The following ARHGAP15 variants were observed in gnomAD, a reference collection of about 807,000 sequenced individuals.
ARHGAP15 encodes Rho GTPase activating protein 15, also known as rho GTPase-activating protein 15.
A neutral mutation model predicts 63.7 loss-of-function variants in ARHGAP15; 51 were observed. The ratio of observed to expected loss-of-function variants is 0.80; its 90% CI spans 0.64 to 1.01. ARHGAP15 has a LOEUF of 1.01. ARHGAP15 is among the 50% of genes least tolerant of loss of function. The probability of loss-of-function intolerance (pLI) is 0.00; values close to 1 mark genes in which losing one functional copy is unlikely to be tolerated. For missense variants in ARHGAP15, 560 were observed against 564.6 expected (o/e 0.99, Z 0.08); for synonymous variants, 191 against 193.8 (o/e 0.99, Z 0.12).
At chr2:143,155,764 G>A (rs1027624511) in intron 2 of ARHGAP15, 109 bp downstream of exon 2, 7 of 1,166,690 alleles carry the variant, frequency 6.0e-6, no homozygotes, top group Non-Finnish European at 8.3e-6. Context: ...ATGTGCATGA[G>A]AAAACTGTTT....
intron 6 of ARHGAP15, among the ~76,000 whole-genome samples, chr2:143,413,316 G>A (rs1216057217): frequency 1.3e-5 from 2 of 152,082 alleles, no homozygotes; most frequent in Non-Finnish European, 2.9e-5. Flanking sequence ...GTGAGGGATG[G>A]TATATTTCTG....
chr2:143,384,433 T>C (rs982936478), intron 6 of ARHGAP15, among the ~76,000 whole-genome samples: 1 of 152,132 alleles, frequency 6.6e-6, no homozygotes, highest in African/African-American at 2.4e-5. Flanking sequence ...TTATATTCTA[T>C]GATACCACAC....
chr2:143,158,497 A>G (rs905630340), intron 2 of ARHGAP15, among the ~76,000 whole-genome samples: 6 of 151,984 alleles, frequency 3.9e-5, no homozygotes, highest in African/African-American at 1.4e-4. Flanking sequence ...GGTGATGTGC[A>G]TCGTTTTCTT....
intron 6 of ARHGAP15, among the ~76,000 whole-genome samples, chr2:143,323,915 A>G (rs868492947): frequency 6.7e-6 from 1 of 149,696 alleles, no homozygotes; most frequent in Non-Finnish European, 1.5e-5. Context: ...AAAAAAAAAA[A>G]AAAAAAAACA....
intron 11 of ARHGAP15, among the ~76,000 whole-genome samples, chr2:143,581,515 T>C (rs1696903865): frequency 6.6e-6 from 1 of 152,166 alleles, no homozygotes; most frequent in South Asian, 2.1e-4. Flanking sequence ...TTCTCTCCTC[T>C]GGTTTTCCTT....
intron 11 of ARHGAP15, among the ~76,000 whole-genome samples, chr2:143,558,433 C>T (rs1176856177): frequency 3.9e-5 from 6 of 152,102 alleles, no homozygotes; most frequent in Non-Finnish European, 8.8e-5. Context: ...TACAGTAGTA[C>T]ATTCACATCT....
intron 8 of ARHGAP15, among the ~76,000 whole-genome samples, chr2:143,445,851 A>G (rs1690112004): frequency 6.6e-6 from 1 of 152,302 alleles, no homozygotes; most frequent in Non-Finnish European, 1.5e-5. Context: ...GCAATAAAAG[A>G]AAAAGAAACT....
chr2:143,337,938 C>T (rs1311043107), intron 6 of ARHGAP15, among the ~76,000 whole-genome samples: 1 of 152,144 alleles, frequency 6.6e-6, no homozygotes, highest in South Asian at 2.1e-4. Flanking sequence ...TACTGTTAGA[C>T]ATCTTAAAAT....
intron 6 of ARHGAP15, among the ~76,000 whole-genome samples, chr2:143,417,097 G>T (rs1227848451): frequency 6.6e-6 from 1 of 151,942 alleles, no homozygotes; most frequent in African/African-American, 2.4e-5. Context: ...GTTGGTCTAA[G>T]AGGTATTGGA....
chr2:143,426,225 A>C (rs534404832), intron 6 of ARHGAP15, among the ~76,000 whole-genome samples: 18 of 152,310 alleles, frequency 1.2e-4, no homozygotes, highest in African/African-American at 3.8e-4. Flanking sequence ...TCTTTAGACT[A>C]TATCACCACC....
In ARHGAP15 at chr2:143,518,425, C is replaced by A. The variant is rs376856281; in HGVS notation, c.827-841C>A. 7.2e-5 allele frequency among the ~76,000 whole-genome samples: 11 copies of A among 152,330 alleles called. No individual in the cohort carries two copies. In the South Asian group the frequency reaches 2.3e-3, roughly 32 times the overall value. ...TCGGAAACATTAGTCTGGAGACATGCTCTCTGAAATCAAAGGATGTTGCTC... is the reference window on the plus strand; with the variant it reads ...TCGGAAACATTAGTCTGGAGACATGATCTCTGAAATCAAAGGATGTTGCTC... On this transcript the variant is annotated intron_variant, in intron 9 of 13. Transcript: ENST00000295095.
chr2:143,519,160 T>C (rs1693950576), intron 9 of ARHGAP15, 106 bp from the exon 10 acceptor site: 1 of 818,406 alleles, frequency 1.2e-6, no homozygotes, highest in African/African-American at 1.8e-5. Flanking sequence ...AAAAAAATCT[T>C]ATGCAAGATG....
chr2:143,181,252 T>C (rs4405691), intron 2 of ARHGAP15, among the ~76,000 whole-genome samples: 50,793 of 152,012 alleles, frequency 0.33, 8,666 homozygotes, highest in South Asian at 0.47. Flanking sequence ...ATTTATAAAA[T>C]ACAGGCAAAG....
At position 143,234,309 on chromosome 2, in the gene ARHGAP15, T is replaced by C. The variant is rs190284048; in HGVS notation, c.384+5641T>C. The stretch of plus-strand genomic sequence containing the variant: ...TATAATCTGTATTTTGTGATTCTAA[T>C]ATCTAAATTTGTGTCAGTATGTTTC... On this transcript the variant is annotated intron_variant, in intron 5 of 13. Coordinates refer to ENST00000295095, the MANE Select transcript of ARHGAP15 (RefSeq NM_018460.4). 7.2e-5 allele frequency among the ~76,000 whole-genome samples: 11 copies of C among 152,278 alleles called. No individual in the cohort carries two copies. The East Asian group carries it at 1.7e-3, about 24-fold the overall frequency.
At chr2:143,542,380 T>C (rs1175610933) in intron 10 of ARHGAP15, among the ~76,000 whole-genome samples, 2 of 151,918 alleles carry the variant, frequency 1.3e-5, no homozygotes, top group Non-Finnish European at 2.9e-5. Flanking sequence ...CTGCACCCAC[T>C]CTCCTGCAAC....
chr2:143,459,384 G>A (rs527269380), intron 8 of ARHGAP15, among the ~76,000 whole-genome samples: 2 of 152,072 alleles, frequency 1.3e-5, no homozygotes, highest in East Asian at 3.9e-4. Flanking sequence ...ATCCTTCTCA[G>A]TAACATTTCT....
chr2:143,453,852 A>G (rs1574471030), intron 8 of ARHGAP15, among the ~76,000 whole-genome samples: 1 of 151,928 alleles, frequency 6.6e-6, no homozygotes, highest in East Asian at 1.9e-4. Context: ...TTTCCCAGAG[A>G]CAGGCTTTTC....
intron 6 of ARHGAP15, among the ~76,000 whole-genome samples, chr2:143,347,727 CTT>C (rs1685358336): frequency 6.6e-6 from 1 of 151,730 alleles, no homozygotes; most frequent in Non-Finnish European, 1.5e-5. Context: ...ATAACAACCT[CTT>C]TACTCTTTGT....
intron 11 of ARHGAP15, among the ~76,000 whole-genome samples, chr2:143,604,710 G>A (rs1559075787): frequency 1.3e-5 from 2 of 152,110 alleles, no homozygotes. Context: ...AGATATGATA[G>A]AATTTGTTGC....
Sources: allele counts gnomAD v4.1 joint callset (sites outside exome capture counted in the v4.1 genomes callset), GRCh38; gene constraint gnomAD v4.1.1; transcripts MANE v1.5; gene names NCBI Gene and HGNC (gene_info 2026-07-23, HGNC 2026-07-21).